PRRC2B: variants seen among roughly 807,000 people sequenced by gnomAD.
PRRC2B encodes the protein proline rich coiled-coil 2B, also known as protein PRRC2B.
A neutral mutation model predicts 242.3 loss-of-function variants in PRRC2B; 68 were observed. The ratio of observed to expected loss-of-function variants is 0.28; its 90% CI spans 0.23 to 0.34. PRRC2B has a LOEUF of 0.34. PRRC2B is among the 10% of genes least tolerant of loss of function. The pLI, the probability that PRRC2B is intolerant of heterozygous loss-of-function variation, is 1.00. For synonymous variants in PRRC2B, 1,228 were observed against 1,173.6 expected (o/e 1.05, Z -0.95); for missense variants, 2,835 against 2,954.8 (o/e 0.96, Z 0.94).
intron 1 of PRRC2B, among the ~76,000 whole-genome samples, chr9:131,377,901 A>G (rs1411151244): frequency 2.6e-5 from 4 of 152,180 alleles, no homozygotes; most frequent in South Asian, 2.1e-4. Flanking sequence ...GACCACAGGC[A>G]TTAATCACCA....
Position 131,446,624 on chromosome 9 carries a change from T to C in PRRC2B, c.837T>C (p.His279=). 6.2e-7 allele frequency: 1 copy of C among 1,613,984 alleles called. No homozygotes were observed. The highest frequency in any genetic ancestry group is 1.3e-5 in the African/African-American group (1 of 75,062). ...ATGTATACCACCCACCTACATACCA[T>C]GACATGCTTCCTGCTTTTGTAAGTC... ...MGNVYHPPTY[H]DMLPAFMCSP... is the part of the protein sequence containing the mutation. Residue 279 remains histidine (H), a synonymous_variant, in exon 7 of 32, where the codon CAT becomes CAC. Coordinates refer to ENST00000683519, the MANE Select transcript of PRRC2B (RefSeq NM_013318.4). This position sits in a 1 kb window ranked among gnomAD's most constrained non-coding sequence, Gnocchi z 4.1.
intron 1 of PRRC2B, among the ~76,000 whole-genome samples, chr9:131,405,451 A>G (rs1272841049): frequency 6.6e-6 from 1 of 152,086 alleles, no homozygotes; most frequent in Non-Finnish European, 1.5e-5. Flanking sequence ...TGTTGCTGTT[A>G]ATATTCATTG....
chr9:131,423,189 T>C (rs539148766), intron 1 of PRRC2B, among the ~76,000 whole-genome samples: 31 of 152,326 alleles, frequency 2.0e-4, no homozygotes, highest in Admixed American at 3.9e-4. Flanking sequence ...GTTTGACTTA[T>C]GCTAACCTGC....
intron 1 of PRRC2B, among the ~76,000 whole-genome samples, chr9:131,379,168 T>C (rs1836723943): frequency 6.6e-6 from 1 of 152,220 alleles, no homozygotes; most frequent in African/African-American, 2.4e-5. Context: ...TCAGCACTTC[T>C]TTCCTTGTGT....
At chr9:131,442,467 TTA>T (rs1838626942) in intron 5 of PRRC2B, among the ~76,000 whole-genome samples, 3 of 152,022 alleles carry the variant, frequency 2.0e-5, no homozygotes, top group African/African-American at 7.3e-5. Context: ...TTCATGACAC[TTA>T]GAGTCCATCT....
intron 30 of PRRC2B, among the ~76,000 whole-genome samples, chr9:131,493,603 T>G (rs1944253391): frequency 6.6e-6 from 1 of 152,270 alleles, no homozygotes; most frequent in South Asian, 2.1e-4. Flanking sequence ...AGTGGAAGCC[T>G]TAAACTAGTA....
chr9:131,478,642 G>GGGCC, intron 18 of PRRC2B, 23 bp downstream of exon 18: 45 of 481,866 alleles, frequency 9.3e-5, no homozygotes, highest in Middle Eastern at 6.5e-4. Context: ...GGGTGGGGGG[G>GGGCC]CATGGGGCTG....
chr9:131,397,099 G>C (rs1190911873), intron 1 of PRRC2B, among the ~76,000 whole-genome samples: 1 of 152,160 alleles, frequency 6.6e-6, no homozygotes, highest in Non-Finnish European at 1.5e-5. Context: ...CTCGCTTCCT[G>C]CCTCTTGGCC....
Position 131,477,742 on chromosome 9 carries a change from A to G in PRRC2B, c.4407-2A>G. On this transcript the variant is annotated splice_acceptor_variant, in intron 16 of 31. Transcript: ENST00000683519. LOFTEE classifies it high-confidence loss of function. The stretch of plus-strand genomic sequence containing the variant: ...GTTAACAAGATCCTCTTTCCCTTAC[A>G]GATCCCCAGACGAGGCCTTGCCTGG... 6.3e-7 allele frequency: 1 copy of G among 1,586,450 alleles called. No individual in the cohort carries two copies. Among genetic ancestry groups the G allele is most frequent in the Non-Finnish European group, 8.6e-7 (1 of 1,161,708 alleles).
At chr9:131,400,653 C>T (rs1837204170) in intron 1 of PRRC2B, among the ~76,000 whole-genome samples, 2 of 152,090 alleles carry the variant, frequency 1.3e-5, no homozygotes, top group African/African-American at 4.8e-5. Flanking sequence ...CTCAAGTGAT[C>T]CCTCCGCCTC....
At chr9:131,477,192 G>C (rs1207176110) in intron 16 of PRRC2B, among the ~76,000 whole-genome samples, 3 of 152,216 alleles carry the variant, frequency 2.0e-5, no homozygotes, top group African/African-American at 7.2e-5. Flanking sequence ...CTCGGACAGG[G>C]AGGTGCAGGG....
intron 1 of PRRC2B, among the ~76,000 whole-genome samples, chr9:131,428,111 G>A (rs1838023050): frequency 6.6e-6 from 1 of 151,174 alleles, no homozygotes; most frequent in Admixed American, 6.6e-5. Context: ...TAGTAGAAAC[G>A]GGGTTTCACC....
intron 9 of PRRC2B, among the ~76,000 whole-genome samples, chr9:131,448,570 A>T (rs1172990620): frequency 1.4e-5 from 2 of 140,434 alleles, no homozygotes; most frequent in African/African-American, 5.3e-5. Flanking sequence ...AAAAAAAAAA[A>T]GGAAAGAGAA....
At chr9:131,420,493 C>CTTTCTTTCTTTTTTTTT in intron 1 of PRRC2B, among the ~76,000 whole-genome samples, 4 of 30,164 alleles carry the variant, frequency 1.3e-4, no homozygotes, top group African/African-American at 2.2e-4. Flanking sequence ...TTCTTTCTTT[C>CTTTCTTTCTTTTTTTTT]TTTTTTTTTT....
intron 3 of PRRC2B, among the ~76,000 whole-genome samples, chr9:131,435,249 G>T (rs971029710): frequency 1.9e-4 from 29 of 151,050 alleles, no homozygotes; most frequent in Non-Finnish European, 3.5e-4. Context: ...AGTGAGCCGA[G>T]ATCATGCCAC....
intron 14 of PRRC2B, among the ~76,000 whole-genome samples, chr9:131,473,163 T>C (rs1943590773): frequency 6.6e-6 from 1 of 152,210 alleles, no homozygotes; most frequent in South Asian, 2.1e-4. Flanking sequence ...GTGGCCCTTT[T>C]GGGTCTTTGT....
chr9:131,389,149 ATTT>A (rs71501254), upstream of PRRC2B, among the ~76,000 whole-genome samples: 6 of 108,842 alleles, frequency 5.5e-5, no homozygotes, highest in Non-Finnish European at 3.7e-5. Flanking sequence ...GCTCCTTTCA[ATTT>A]TTTTTTTTTT....
Position 131,494,685 on chromosome 9 carries a change from G to C in PRRC2B, c.6555+199G>C, listed in dbSNP as rs1245038551. Among the ~76,000 whole-genome samples the C allele has an allele frequency of 4.6e-5, 7 of 152,196 alleles. No individual in the cohort carries two copies. Among genetic ancestry groups the C allele is most frequent in the African/African-American group, 1.4e-4 (6 of 41,446 alleles). ...GCATTTCTCCTCTTGACGGGCGTCT[G>C]GATCCTTCCTTGTCCTGCAGAGAAG... On this transcript the variant is annotated intron_variant, in intron 31 of 31. Transcript: ENST00000683519. This position sits in a 1 kb window ranked among gnomAD's most constrained non-coding sequence, Gnocchi z 4.3.
intron 19 of PRRC2B, 126 bp from the exon 20 acceptor site, chr9:131,481,585 AGGGGGCTGGGGTGGC>A (rs1564299256): frequency 1.5e-6 from 1 of 659,826 alleles, no homozygotes; most frequent in African/African-American, 1.8e-5. Flanking sequence ...TGTCACGGGT[AGGGGGCTGGGGTGGC>A]GGGTGCAGGG....
Sources: gnomAD v4.1 joint callset for allele counts (sites outside exome capture counted in the v4.1 genomes callset) on GRCh38, gnomAD v4.1.1 for gene constraint, Gnocchi (gnomAD v3.1) non-coding constraint, MANE v1.5 for transcripts, NCBI Gene and HGNC (gene_info 2026-07-23, HGNC 2026-07-21) for gene names.